Variants in PRORP observed in about 807,000 individuals in gnomAD.
The protein encoded by PRORP is protein only RNase P catalytic subunit.
Under a neutral mutation model 59.4 loss-of-function variants are expected in PRORP, and 51 were observed. The ratio of observed to expected loss-of-function variants is 0.86; its 90% CI spans 0.69 to 1.08. The LOEUF is 1.08. PRORP is among the 50% of genes least tolerant of loss of function. PRORP has a pLI of 0.00. For missense variants in PRORP, 646 were observed against 690.3 expected (o/e 0.94, Z 0.72); for synonymous variants, 231 against 245.6 (o/e 0.94, Z 0.55).
intron 5 of PRORP, among the ~76,000 whole-genome samples, chr14:35,242,250 G>T (rs2050386494): frequency 6.6e-6 from 1 of 152,172 alleles, no homozygotes; most frequent in African/African-American, 2.4e-5. Context: ...AAATATTTGT[G>T]TTGAATTTAA....
intron 5 of PRORP, among the ~76,000 whole-genome samples, chr14:35,244,256 T>A (rs1332564670): frequency 1.3e-5 from 2 of 152,206 alleles, no homozygotes; most frequent in Non-Finnish European, 2.9e-5. Context: ...ATCTTCCCTC[T>A]GGGAAACACA....
chr14:35,235,697 T>C (rs956080936), intron 5 of PRORP: 6 of 343,926 alleles, frequency 1.7e-5, no homozygotes, highest in African/African-American at 1.3e-4. Context: ...CAAGCAAAAG[T>C]TGCCAATGCT....
At chr14:35,171,539 T>C (rs1014324405) in intron 4 of PRORP, among the ~76,000 whole-genome samples, 1 of 152,214 alleles carries the variant, frequency 6.6e-6, no homozygotes, top group East Asian at 1.9e-4. Flanking sequence ...CCTTTTTATG[T>C]TATGTATCCT....
At chr14:35,233,940 A>G (rs2050143279) in intron 5 of PRORP, among the ~76,000 whole-genome samples, 1 of 152,126 alleles carries the variant, frequency 6.6e-6, no homozygotes, top group African/African-American at 2.4e-5. Flanking sequence ...CCATTATAAT[A>G]TTTTCTTGCT....
intron 5 of PRORP, among the ~76,000 whole-genome samples, chr14:35,193,131 A>G (rs1231486636): frequency 6.6e-6 from 1 of 152,036 alleles, no homozygotes; most frequent in Admixed American, 6.5e-5. Flanking sequence ...TTGGATTTTC[A>G]GTGTTCATAA....
intron 4 of PRORP, among the ~76,000 whole-genome samples, chr14:35,174,702 A>G (rs73236939): frequency 0.059 from 8,970 of 151,474 alleles, 486 homozygotes; most frequent in Admixed American, 0.17. Context: ...TCCTTGGCCT[A>G]CAGAACAGGA....
At chr14:35,166,074 C>G (rs75256382) in intron 4 of PRORP, among the ~76,000 whole-genome samples, 18,922 of 152,110 alleles carry the variant, frequency 0.12, 1,254 homozygotes, top group Middle Eastern at 0.17. Context: ...TGAGAACACC[C>G]TTCTGAGGCT....
At chr14:35,148,942 G>A (rs1229215627) in intron 4 of PRORP, among the ~76,000 whole-genome samples, 3 of 116,296 alleles carry the variant, frequency 2.6e-5, no homozygotes, top group Non-Finnish European at 3.4e-5. Flanking sequence ...TTTTTGAGAC[G>A]GAGTCTCGCT....
intron 4 of PRORP, chr14:35,158,952 T>A: frequency 2.9e-6 from 1 of 346,942 alleles, no homozygotes; most frequent in Non-Finnish European, 5.6e-6. Flanking sequence ...TTCTCTTCAC[T>A]GATTCTCTGG....
chr14:35,185,864 A>G (rs534685759), intron 5 of PRORP, among the ~76,000 whole-genome samples: 77 of 152,336 alleles, frequency 5.1e-4, no homozygotes, highest in Non-Finnish European at 8.7e-4. Context: ...TTACATGTTA[A>G]TTGTGATTCC....
At chr14:35,196,536 T>C (rs2049014060) in intron 5 of PRORP, among the ~76,000 whole-genome samples, 1 of 152,128 alleles carries the variant, frequency 6.6e-6, no homozygotes, top group South Asian at 2.1e-4. Context: ...AAAGTAAATC[T>C]AATCATGACT....
At chr14:35,266,353 A>ACGTG (rs1469190512) in intron 5 of PRORP, among the ~76,000 whole-genome samples, 3 of 151,368 alleles carry the variant, frequency 2.0e-5, no homozygotes, top group Non-Finnish European at 4.4e-5. Context: ...GACGTGGTGC[A>ACGTG]CGTCTGTGGT....
chr14:35,195,010 A>G (rs1200677788), intron 5 of PRORP, among the ~76,000 whole-genome samples: 1 of 152,104 alleles, frequency 6.6e-6, no homozygotes, highest in Non-Finnish European at 1.5e-5. Flanking sequence ...TTTATCTTGA[A>G]ATTCATTTAT....
intron 5 of PRORP, among the ~76,000 whole-genome samples, chr14:35,230,441 A>G (rs1173285524): frequency 6.6e-6 from 1 of 152,246 alleles, no homozygotes; most frequent in Non-Finnish European, 1.5e-5. Flanking sequence ...TATAGGGTCA[A>G]TCAAGTATAT....
chr14:35,208,363 C>G (rs767803644), intron 5 of PRORP, among the ~76,000 whole-genome samples: 3 of 152,028 alleles, frequency 2.0e-5, no homozygotes, highest in Non-Finnish European at 4.4e-5. Context: ...ATCCCTTGAG[C>G]CCAGGAGTTC....
intron 5 of PRORP, among the ~76,000 whole-genome samples, chr14:35,245,062 T>C (rs1405048024): frequency 2.6e-5 from 4 of 151,996 alleles, no homozygotes; most frequent in Admixed American, 2.6e-4. Context: ...AAACAGAGGG[T>C]TTACCACATC....
Position 35,225,825 on chromosome 14 carries a change from T to C in PRORP, c.1276-40902T>C, listed in dbSNP as rs963551165. On this transcript the variant is annotated intron_variant, in intron 5 of 7. Transcript: ENST00000534898. ...ACTTTGTGAGGCCAAGACAGGCAGA[T>C]TGCTTGAGCTTAGGAGTTCAAGACC... is the stretch of plus-strand genomic sequence containing the variant. 2.0e-5 allele frequency among the ~76,000 whole-genome samples: 3 copies of C among 152,030 alleles called. No homozygotes were observed. The South Asian group carries it at 6.2e-4, about 32-fold the overall frequency.
At chr14:35,219,095 G>A (rs570889287) in intron 5 of PRORP, 6 of 152,380 alleles carry the variant, frequency 3.9e-5, no homozygotes, top group African/African-American at 1.4e-4. Context: ...GAACTTGGAA[G>A]TGTTGGCCAC....
In PRORP at chr14:35,211,318, A is replaced by G. The variant is rs569749925; in HGVS notation, c.1275+30541A>G. ...TGTTTTTGTTTACTGACAGCTTCCC[A>G]CCTCTAAAGCATGTAAGTTCTGTGA... On this transcript the variant is annotated intron_variant, in intron 5 of 7. Coordinates refer to ENST00000534898, the MANE Select transcript of PRORP (RefSeq NM_014672.4). Among the ~76,000 whole-genome samples, 5 of 152,142 alleles carry G rather than the reference A, an allele frequency of 3.3e-5. No individual in the cohort carries two copies. In the East Asian group the frequency reaches 9.7e-4, roughly 29 times the overall value.
Sources: allele counts gnomAD v4.1 joint callset (sites outside exome capture counted in the v4.1 genomes callset), GRCh38; gene constraint gnomAD v4.1.1; transcripts MANE v1.5; gene names NCBI Gene and HGNC (gene_info 2026-07-23, HGNC 2026-07-21).